Variants in SGCZ observed in about 807,000 individuals in gnomAD.
The protein encoded by SGCZ is zeta-sarcoglycan.
A neutral mutation model predicts 41.3 loss-of-function variants in SGCZ; 40 were observed. The observed-to-expected ratio is 0.97, with a 90% CI of 0.75 to 1.26. The LOEUF (loss-of-function observed/expected upper bound fraction) is 1.26, where lower values mean the gene tolerates loss of function less well. Among genes scored for constraint, SGCZ ranks in the 50% most tolerant of loss-of-function variants. The pLI, the probability that SGCZ is intolerant of heterozygous loss-of-function variation, is 0.00. For missense variants in SGCZ, 552 were observed against 369.8 expected, an observed-to-expected ratio of 1.49 and a Z score of -4.04; for synonymous variants, 206 against 137.5, an observed-to-expected ratio of 1.50 and a Z score of -3.49.
intron 1 of SGCZ, among the ~76,000 whole-genome samples, chr8:14,718,450 A>G (rs1267941245): frequency 6.6e-6 from 1 of 152,110 alleles, no homozygotes. Flanking sequence ...GGATCCCCAC[A>G]AGAATAAAGG....
intron 4 of SGCZ, among the ~76,000 whole-genome samples, chr8:14,193,336 A>T (rs1563178035): frequency 6.6e-6 from 1 of 151,170 alleles, no homozygotes; most frequent in East Asian, 1.9e-4. Context: ...GCAGCATGCT[A>T]TTTTTTTTAC....
At chr8:15,135,925 A>G (rs939347746) in intron 1 of SGCZ, among the ~76,000 whole-genome samples, 1 of 152,182 alleles carries the variant, frequency 6.6e-6, no homozygotes, top group African/African-American at 2.4e-5. Flanking sequence ...GCATATTTAT[A>G]CCTACTTTTA....
At chr8:14,257,797 AT>A (rs1402454909) in intron 3 of SGCZ, among the ~76,000 whole-genome samples, 1 of 152,022 alleles carries the variant, frequency 6.6e-6, no homozygotes, top group African/African-American at 2.4e-5. Flanking sequence ...GTTTTCCTCC[AT>A]AATCTCCTTA....
intron 3 of SGCZ, among the ~76,000 whole-genome samples, chr8:14,290,466 T>C (rs919893771): frequency 1.3e-5 from 2 of 151,944 alleles, no homozygotes; most frequent in African/African-American, 4.8e-5. Context: ...CCAAAATATA[T>C]AAGAAACTCA....
chr8:15,032,848 G>C (rs888955997), intron 1 of SGCZ, among the ~76,000 whole-genome samples: 1 of 152,080 alleles, frequency 6.6e-6, no homozygotes, highest in Admixed American at 6.5e-5. Flanking sequence ...AGCCTCTGTG[G>C]ATACAGGCTC....
At chr8:14,696,750 C>T (rs1382378106) in intron 1 of SGCZ, among the ~76,000 whole-genome samples, 5 of 151,072 alleles carry the variant, frequency 3.3e-5, no homozygotes, top group Non-Finnish European at 1.5e-5. Flanking sequence ...ACATCAGTAA[C>T]ATGTGGCGTT....
intron 2 of SGCZ, among the ~76,000 whole-genome samples, chr8:14,421,219 T>G (rs895964140): frequency 6.6e-6 from 1 of 152,106 alleles, no homozygotes; most frequent in African/African-American, 2.4e-5. Flanking sequence ...GGTAAGGGGC[T>G]ATTGATCTCA....
intron 1 of SGCZ, among the ~76,000 whole-genome samples, chr8:15,144,518 G>A (rs1165103973): frequency 6.6e-6 from 1 of 151,188 alleles, no homozygotes; most frequent in African/African-American, 2.4e-5. Context: ...AGGCTTCAGT[G>A]CAGTGGAGCC....
chr8:14,305,907 C>A (rs745503555), intron 3 of SGCZ, among the ~76,000 whole-genome samples: 1 of 152,190 alleles, frequency 6.6e-6, no homozygotes, highest in African/African-American at 2.4e-5. Context: ...TCTGCCACCA[C>A]GTGTTCAAGC....
chr8:14,675,163 A>T (rs1327893080), intron 1 of SGCZ, among the ~76,000 whole-genome samples: 1 of 151,096 alleles, frequency 6.6e-6, no homozygotes, highest in East Asian at 2.0e-4. Flanking sequence ...GATGGTCTCG[A>T]TCTCCTGATC....
chr8:14,264,648 C>T (rs1314817511), intron 3 of SGCZ, among the ~76,000 whole-genome samples: 3 of 152,076 alleles, frequency 2.0e-5, no homozygotes, highest in Non-Finnish European at 2.9e-5. Flanking sequence ...TTAGAAATCT[C>T]GTGAAGAACA....
At chr8:14,798,939 T>C (rs1430327061) in intron 1 of SGCZ, among the ~76,000 whole-genome samples, 1 of 151,942 alleles carries the variant, frequency 6.6e-6, no homozygotes, top group Non-Finnish European at 1.5e-5. Context: ...AAAAGTCTCA[T>C]TTCTGCCTAC....
intron 1 of SGCZ, among the ~76,000 whole-genome samples, chr8:14,977,854 T>G (rs1801530419): frequency 6.6e-6 from 1 of 151,398 alleles, no homozygotes; most frequent in Non-Finnish European, 1.5e-5. Context: ...GAACTAGTTA[T>G]CAGGCTTTAA....
At chr8:14,213,278 C>T (rs190928328) in intron 4 of SGCZ, among the ~76,000 whole-genome samples, 1 of 152,152 alleles carries the variant, frequency 6.6e-6, no homozygotes, top group East Asian at 1.9e-4. Flanking sequence ...AAGACACGCA[C>T]ACAAAAATTC....
At chr8:15,058,993 G>A (rs1197454039) in intron 1 of SGCZ, among the ~76,000 whole-genome samples, 2 of 152,024 alleles carry the variant, frequency 1.3e-5, no homozygotes, top group African/African-American at 2.4e-5. Flanking sequence ...TATCTAAAAT[G>A]TCTCTCTGGG....
At chr8:14,549,332 C>T (rs1048935802) in intron 2 of SGCZ, among the ~76,000 whole-genome samples, 1 of 152,004 alleles carries the variant, frequency 6.6e-6, no homozygotes, top group African/African-American at 2.4e-5. Context: ...TCAGGGGAAG[C>T]TAGCCACCCT....
At chr8:14,863,722 A>C (rs1488520114) in intron 1 of SGCZ, among the ~76,000 whole-genome samples, 1 of 152,166 alleles carries the variant, frequency 6.6e-6, no homozygotes, top group Non-Finnish European at 1.5e-5. Context: ...CTGCTGATAA[A>C]AGCAGAGGGA....
intron 1 of SGCZ, among the ~76,000 whole-genome samples, chr8:15,229,160 C>T (rs1801869128): frequency 6.6e-6 from 1 of 151,942 alleles, no homozygotes; most frequent in Non-Finnish European, 1.5e-5. Context: ...CCACTATACT[C>T]CAGCCTGGAC....
intron 1 of SGCZ, among the ~76,000 whole-genome samples, chr8:15,221,523 G>A (rs946448041): frequency 2.6e-5 from 4 of 152,048 alleles, no homozygotes; most frequent in Non-Finnish European, 5.9e-5. Flanking sequence ...TATAAACCAG[G>A]TCTATCCTAT....
Sources: gnomAD v4.1 joint callset for allele counts (sites outside exome capture counted in the v4.1 genomes callset) on GRCh38, gnomAD v4.1.1 for gene constraint, MANE v1.5 for transcripts, NCBI Gene and HGNC (gene_info 2026-07-23, HGNC 2026-07-21) for gene names.